Variants in PGM2 observed in about 807,000 individuals in gnomAD.
PGM2 encodes phosphoglucomutase 2.
Under a neutral mutation model 74.6 loss-of-function variants are expected in PGM2, and 57 were observed. The ratio of observed to expected loss-of-function variants is 0.76; its 90% confidence interval spans 0.62 to 0.95. The LOEUF (loss-of-function observed/expected upper bound fraction) is 0.95, where lower values mean the gene tolerates loss of function less well. PGM2 is among the 40% of genes least tolerant of loss of function. The pLI is 0.00. For missense variants in PGM2, 706 were observed against 741.9 expected (o/e 0.95, Z 0.56); for synonymous variants, 273 against 260.7 (o/e 1.05, Z -0.46).
intron 13 of PGM2, among the ~76,000 whole-genome samples, chr4:37,858,348 T>G (rs999242394): frequency 1.4e-5 from 2 of 140,050 alleles, no homozygotes; most frequent in Admixed American, 1.4e-4. Context: ...TTGTTTTTTG[T>G]TTTTTTTTTA....
At chr4:37,830,768 T>C (rs991791094) in intron 2 of PGM2, among the ~76,000 whole-genome samples, 1 of 152,146 alleles carries the variant, frequency 6.6e-6, no homozygotes, top group African/African-American at 2.4e-5. Context: ...ACTTTAATTG[T>C]GGGAAAAGAA....
In PGM2 at chr4:37,837,514, ACT is replaced by A. The variant is rs746707228; in HGVS notation, c.357-12_357-11del. ...CTCAACTCTCCTTTTCTTCCCTGTC[ACT>A]CTGCATTCTCAGGTTTGCCCGACTT... is the stretch of plus-strand genomic sequence containing the variant. On this transcript the variant is annotated splice_polypyrimidine_tract_variant and intron_variant, in intron 3 of 13. Coordinates refer to ENST00000381967, the MANE Select transcript of PGM2 (RefSeq NM_018290.4). 8 of 1,537,632 alleles carry A rather than the reference ACT, an allele frequency of 5.2e-6. No homozygotes were observed. The South Asian group carries it at 8.9e-5, about 17-fold the overall frequency.
At chr4:37,856,715 T>G (rs1236073094) in intron 13 of PGM2, among the ~76,000 whole-genome samples, 1 of 152,176 alleles carries the variant, frequency 6.6e-6, no homozygotes, top group Non-Finnish European at 1.5e-5. Flanking sequence ...AGAATACAGT[T>G]GAAAATCAGG....
At chr4:37,829,327 A>C (rs1056235986) in intron 1 of PGM2, among the ~76,000 whole-genome samples, 4 of 152,216 alleles carry the variant, frequency 2.6e-5, no homozygotes, top group Admixed American at 2.6e-4. Flanking sequence ...AGGCTTCCCC[A>C]TCTATAAAAT....
At chr4:37,853,193 A>G (rs1432307085) in intron 12 of PGM2, among the ~76,000 whole-genome samples, 1 of 152,080 alleles carries the variant, frequency 6.6e-6, no homozygotes, top group African/African-American at 2.4e-5. Flanking sequence ...GCTGGAGTGC[A>G]GTGACATGAT....
rs576201468 is a variant in PGM2, at chr4:37,858,614, T to C, written c.1736+2873T>C. On this transcript the variant is annotated intron_variant, in intron 13 of 13. Coordinates refer to ENST00000381967, the MANE Select transcript of PGM2 (RefSeq NM_018290.4). ...ATCTGCCAGCCTCAGCCTCCCAAAG[T>C]GTTGGGATTACAGGCGTGAGCCACT... Among the ~76,000 whole-genome samples, 9 of 151,702 alleles carry C rather than the reference T, an allele frequency of 5.9e-5. No individual in the cohort carries two copies. In the South Asian group the frequency reaches 1.9e-3, roughly 32 times the overall value.
chr4:37,858,843 A>G (rs1244087245), intron 13 of PGM2, among the ~76,000 whole-genome samples: 1 of 152,134 alleles, frequency 6.6e-6, no homozygotes, highest in African/African-American at 2.4e-5. Flanking sequence ...GTTTTGTCCA[A>G]CTTTTTTATT....
At chr4:37,856,264 A>G (rs1248812780) in intron 13 of PGM2, among the ~76,000 whole-genome samples, 2 of 152,098 alleles carry the variant, frequency 1.3e-5, no homozygotes, top group Non-Finnish European at 2.9e-5. Context: ...GGGCGCCTGT[A>G]GTCCCAGCTA....
At chr4:37,841,069 AGC>A (rs1285224216) in intron 6 of PGM2, among the ~76,000 whole-genome samples, 2 of 58,828 alleles carry the variant, frequency 3.4e-5, no homozygotes, top group Non-Finnish European at 6.4e-5. Flanking sequence ...TGCATATGCA[AGC>A]GTATATATAT....
At chr4:37,848,453 C>T (rs1247570196) in intron 10 of PGM2, 69 bp from the exon 11 acceptor site, 1 of 1,353,342 alleles carries the variant, frequency 7.4e-7, no homozygotes, top group Non-Finnish European at 1.0e-6. Flanking sequence ...ATGCAATAGC[C>T]AGGATTCATA....
At position 37,847,283 on chromosome 4, in the gene PGM2, G is replaced by T; in HGVS notation, c.1270G>T (p.Glu424Ter). 6.2e-7 allele frequency: 1 copy of T among 1,610,780 alleles called. No individual in the cohort carries two copies. The highest frequency in any genetic ancestry group is 1.1e-5 in the South Asian group (1 of 90,972). ...DQGKTVLFAF[E>*]EAIGYMCCPF... ...GGGGAAAACTGTTTTATTTGCATTT[G>T]AAGAAGCTATTGGTAAGAAGTGATC... Residue 424 changes from glutamate (E) to a stop codon, truncating the protein, a stop_gained, in exon 10 of 14, where the codon GAA (glutamate) becomes TAA (stop). Coordinates refer to ENST00000381967, the MANE Select transcript of PGM2 (RefSeq NM_018290.4). LOFTEE classifies it high-confidence loss of function.
At chr4:37,837,679 A>T (rs1725603866) in intron 4 of PGM2, 66 bp downstream of exon 4, 2 of 1,009,338 alleles carry the variant, frequency 2.0e-6, no homozygotes, top group African/African-American at 1.6e-5. Context: ...GCTGAATTTT[A>T]TAGTCTTTAG....
chr4:37,847,624 G>A, intron 10 of PGM2: 1 of 294,642 alleles, frequency 3.4e-6, no homozygotes, highest in East Asian at 8.6e-5. Context: ...TAAACACTGT[G>A]GTATTTAATG....
chr4:37,830,237 C>T, intron 2 of PGM2, 106 bp downstream of exon 2: 15 of 794,116 alleles, frequency 1.9e-5, no homozygotes. Flanking sequence ...ACCAGCTTGG[C>T]TAGACACAGG....
In PGM2 at chr4:37,834,852, A is replaced by G. The variant is rs372740599; in HGVS notation, c.356+128A>G. 318 of 471,030 alleles carry G rather than the reference A, an allele frequency of 6.8e-4. 2 individuals are homozygous for G. The South Asian group carries it at 0.013, about 20-fold the overall frequency. 29.2% of individuals were successfully genotyped at this position (471,030 alleles called of 1,614,324 possible). On this transcript the variant is annotated intron_variant, in intron 3 of 13. Transcript: ENST00000381967. ...TTGCTTAACTGTAAAAACAATGGGT[A>G]AATTCTCTTGGCAACTTTTAAAGAT...
intron 8 of PGM2, 137 bp from the exon 9 acceptor site, chr4:37,846,793 GA>G (rs1725885694): frequency 1.5e-6 from 1 of 661,952 alleles, no homozygotes; most frequent in Non-Finnish European, 2.6e-6. Flanking sequence ...GTTATTTAAA[GA>G]TGATGAATAA....
rs36127170 is a variant in PGM2, at chr4:37,841,072, G to GTATATATATATATATATATATATA, written c.719+819_719+842dup. On this transcript the variant is annotated intron_variant, in intron 6 of 13. Transcript: ENST00000381967. ...AAAAATTTTCTGTGCATATGCAAGC[G>GTATATATATATATATATATATATA]TATATATATATATATATATATATAT... Among the ~76,000 whole-genome samples the GTATATATATATATATATATATATA allele has an allele frequency of 5.5e-4, 62 of 113,754 alleles. 1 individual carries two copies. Among genetic ancestry groups the GTATATATATATATATATATATATA allele is most frequent in the South Asian group, 1.3e-3 (4 of 3,018 alleles). 74.6% of individuals were successfully genotyped at this position (113,754 alleles called of 152,430 possible). A position where few individuals can be genotyped will look rare whatever the true frequency, so the allele number is the denominator to read the frequency against.
Position 37,858,309 on chromosome 4 carries a change from C to T in PGM2, c.1736+2568C>T, listed in dbSNP as rs532978289. 1.8e-4 allele frequency among the ~76,000 whole-genome samples: 27 copies of T among 151,816 alleles called. 1 individual carries two copies. Among genetic ancestry groups the T allele is most frequent in the African/African-American group, 6.3e-4 (26 of 41,396 alleles). ...TTAAGCAAGGCACCAGCATACCTAA[C>T]GTACAACAGCAATAAAGTTTTTTTT... On this transcript the variant is annotated intron_variant, in intron 13 of 13. Transcript: ENST00000381967.
Position 37,858,513 on chromosome 4 carries a change from G to GTT in PGM2, c.1736+2787_1736+2788dup, listed in dbSNP as rs34291894. On this transcript the variant is annotated intron_variant, in intron 13 of 13. Transcript: ENST00000381967. Reference sequence around the variant, plus strand: ...CACCACACCCAGCTAATTTTTTGGTGTTTTTTTTTTTTTTTTAGTAGAGAC... The same window carrying GTT: ...CACCACACCCAGCTAATTTTTTGGTGTTTTTTTTTTTTTTTTTTAGTAGAGAC... 5.1e-3 allele frequency among the ~76,000 whole-genome samples: 682 copies of GTT among 135,034 alleles called. 3 individuals are homozygous for GTT. The highest frequency in any genetic ancestry group is 6.7e-3 in the African/African-American group (247 of 36,932). 88.6% of individuals were successfully genotyped at this position (135,034 alleles called of 152,430 possible). A position where few individuals can be genotyped will look rare whatever the true frequency, so the allele number is the denominator to read the frequency against.
Sources: gnomAD v4.1 joint callset for allele counts (sites outside exome capture counted in the v4.1 genomes callset) on GRCh38, gnomAD v4.1.1 for gene constraint, MANE v1.5 for transcripts, NCBI Gene and HGNC (gene_info 2026-07-23, HGNC 2026-07-21) for gene names.